CEP85L: variants seen among roughly 807,000 people sequenced by gnomAD.
The protein encoded by CEP85L is centrosomal protein 85L, also known as centrosomal protein of 85 kDa-like.
Under a neutral mutation model 100.3 loss-of-function variants are expected in CEP85L, and 60 were observed. That is an observed-to-expected ratio of 0.60 (90% CI 0.49 to 0.74). CEP85L has a LOEUF of 0.74. Ranked by LOEUF, CEP85L falls within the 30% of genes least tolerant of loss-of-function variation. CEP85L has a pLI of 0.00. For missense variants in CEP85L, 973 were observed against 936.2 expected (o/e 1.04, Z -0.51); for synonymous variants, 319 against 322.7 (o/e 0.99, Z 0.12).
Position 118,622,213 on chromosome 6 carries a change from T to C in CEP85L, c.232+10240A>G, listed in dbSNP as rs537854765. 2.6e-5 allele frequency among the ~76,000 whole-genome samples: 4 copies of C among 152,368 alleles called. No homozygotes were observed. In the South Asian group the frequency reaches 8.3e-4, roughly 32 times the overall value. On this transcript the variant is annotated intron_variant, in intron 2 of 12. Coordinates refer to ENST00000368491, the MANE Select transcript of CEP85L (RefSeq NM_001042475.3). ...AAGGAAAGGATCTCACTGTCTGGAC[T>C]ACTCATGATGTAAGTGGCATATTAA...
At chr6:118,479,725 T>C in intron 10 of CEP85L, 146 bp downstream of exon 10, 1 of 436,652 alleles carries the variant, frequency 2.3e-6, no homozygotes, top group Non-Finnish European at 4.1e-6. Flanking sequence ...GGAAGATTAA[T>C]ATTAAAGAAT....
chr6:118,481,935 T>C lies in CEP85L; in HGVS notation c.1591-2A>G. On this transcript the variant is annotated splice_acceptor_variant, in intron 7 of 12. Coordinates refer to ENST00000368491, the MANE Select transcript of CEP85L (RefSeq NM_001042475.3). LOFTEE classifies it high-confidence loss of function. ...ATTTTTTTCTTCCAGAATCTGCAGCTAAGGAGAAATGTTTTACAGTTCATT... is the reference window on the plus strand; with the variant it reads ...ATTTTTTTCTTCCAGAATCTGCAGCCAAGGAGAAATGTTTTACAGTTCATT... The C allele has an allele frequency of 6.6e-7, 1 of 1,523,534 alleles. No homozygotes were observed. Among genetic ancestry groups the C allele is most frequent in the Non-Finnish European group, 8.8e-7 (1 of 1,131,784 alleles). The allele number at this position is 1,523,534 out of a possible 1,614,324, so 94.4% of individuals were successfully genotyped here.
At chr6:118,638,146 A>G (rs780963615) in intron 1 of CEP85L, among the ~76,000 whole-genome samples, 3 of 151,910 alleles carry the variant, frequency 2.0e-5, no homozygotes, top group Non-Finnish European at 4.4e-5. Flanking sequence ...CAGGAAGCCA[A>G]GGTAAGATTG....
At chr6:118,606,515 G>C (rs1375358532) in intron 2 of CEP85L, among the ~76,000 whole-genome samples, 1 of 152,202 alleles carries the variant, frequency 6.6e-6, no homozygotes, top group African/African-American at 2.4e-5. Flanking sequence ...GCTTGCAGAG[G>C]CTTTTAACTA....
intron 1 of CEP85L, among the ~76,000 whole-genome samples, chr6:118,643,800 T>A (rs529328390): frequency 1.3e-5 from 2 of 152,306 alleles, no homozygotes; most frequent in South Asian, 4.1e-4. Flanking sequence ...GTTCCCTGAT[T>A]GAGAGAATCT....
In CEP85L at chr6:118,464,053, A is replaced by C. The variant is rs1772361596; in HGVS notation, c.*1352T>G. ...CACACCCTCTACCCCTCCATCTCTT[A>C]TTTAGTCTTGACCTAAATGAGACTT... is the stretch of plus-strand genomic sequence containing the variant. On this transcript the variant is annotated 3_prime_UTR_variant, in exon 13 of 13. Transcript: ENST00000368491. The C allele has an allele frequency of 6.6e-6, 1 of 152,172 alleles. No homozygotes were observed. The highest frequency in any genetic ancestry group is 6.6e-5 in the Admixed American group (1 of 15,252). The allele number at this position is 152,172 out of a possible 1,614,324, so 9.4% of individuals were successfully genotyped here. A position where few individuals can be genotyped will look rare whatever the true frequency, so the allele number is the denominator to read the frequency against.
At chr6:118,578,300 C>T (rs1780360468) in intron 2 of CEP85L, among the ~76,000 whole-genome samples, 1 of 152,218 alleles carries the variant, frequency 6.6e-6, no homozygotes, top group Non-Finnish European at 1.5e-5. Context: ...CAGTCTCTCC[C>T]TCCCCTCCTC....
upstream of CEP85L, among the ~76,000 whole-genome samples, chr6:118,652,072 G>C (rs1049726741): frequency 3.3e-5 from 5 of 152,186 alleles, no homozygotes; most frequent in African/African-American, 7.2e-5. Context: ...CAGAAAAGGG[G>C]TGGTTTTCCT....
At chr6:118,684,038 T>C (rs1198407874) in intron 1 of CEP85L, among the ~76,000 whole-genome samples, 1 of 152,214 alleles carries the variant, frequency 6.6e-6, no homozygotes, top group African/African-American at 2.4e-5. Context: ...CCCCAATGAT[T>C]TCATATCTAT....
intron 3 of CEP85L, among the ~76,000 whole-genome samples, chr6:118,556,114 T>C (rs779710834): frequency 3.3e-4 from 50 of 152,226 alleles, no homozygotes; most frequent in Non-Finnish European, 1.5e-4. Flanking sequence ...TGAATATTCA[T>C]GGGTGTATGT....
intron 1 of CEP85L, among the ~76,000 whole-genome samples, chr6:118,648,669 G>A (rs1775358101): frequency 6.6e-6 from 1 of 151,070 alleles, no homozygotes; most frequent in Non-Finnish European, 1.5e-5. Flanking sequence ...GTGAACCTGG[G>A]AGGCGGAGCT....
At chr6:118,603,866 C>A (rs1398128014) in intron 2 of CEP85L, among the ~76,000 whole-genome samples, 1 of 152,158 alleles carries the variant, frequency 6.6e-6, no homozygotes, top group East Asian at 1.9e-4. Context: ...AACAAGACAA[C>A]AATTGTCTGT....
chr6:118,569,314 C>T (rs1298094965), intron 2 of CEP85L, among the ~76,000 whole-genome samples: 1 of 122,290 alleles, frequency 8.2e-6, no homozygotes, highest in Admixed American at 1.0e-4. Flanking sequence ...TGTACTCCAG[C>T]CTGGGTGACA....
chr6:118,495,307 G>C (rs1023927961), intron 5 of CEP85L, among the ~76,000 whole-genome samples: 14 of 152,192 alleles, frequency 9.2e-5, no homozygotes, highest in African/African-American at 3.4e-4. Context: ...CGGTTTGGTT[G>C]TGTCCCCACC....
At position 118,469,380 on chromosome 6, in the gene CEP85L, T is replaced by TC. The variant is rs572576749; in HGVS notation, c.2023-78dup. On this transcript the variant is annotated intron_variant, in intron 11 of 12. Coordinates refer to ENST00000368491, the MANE Select transcript of CEP85L (RefSeq NM_001042475.3). ...CTCAAAGCCATACAGGTTAACATTC[T>TC]CCCCCAAGTCTATAAACAAAACGAT... The TC allele has an allele frequency of 5.9e-4, 643 of 1,098,068 alleles. 6 individuals carry two copies. The East Asian group carries it at 0.014, about 24-fold the overall frequency. 68.0% of individuals were successfully genotyped at this position (1,098,068 alleles called of 1,614,324 possible). A position where few individuals can be genotyped will look rare whatever the true frequency, so the allele number is the denominator to read the frequency against.
intron 3 of CEP85L, among the ~76,000 whole-genome samples, chr6:118,549,264 T>C (rs1199762928): frequency 3.3e-5 from 5 of 151,860 alleles, no homozygotes; most frequent in Non-Finnish European, 7.4e-5. Flanking sequence ...GGTACTCCAT[T>C]TCCTCTCTCG....
chr6:118,491,483 T>C, intron 6 of CEP85L: 6 of 1,331,144 alleles, frequency 4.5e-6, no homozygotes, highest in South Asian at 2.1e-5. Context: ...TAGAAAGATA[T>C]ACAAGAGCAT....
In CEP85L at chr6:118,651,088, C is replaced by T. The variant is rs375616817; in HGVS notation, c.73+109G>A. On this transcript the variant is annotated intron_variant, in intron 1 of 12. Coordinates refer to ENST00000368491, the MANE Select transcript of CEP85L (RefSeq NM_001042475.3). ...TGGGCACGCGGCGGCGTCGGGGAGG[C>T]GGCCGGGGTAAGACAGGCCTGAGGC... is the stretch of plus-strand genomic sequence containing the variant. The T allele has an allele frequency of 1.2e-3, 1,657 of 1,363,598 alleles. 25 individuals are homozygous for T. The South Asian group carries it at 0.021, about 17-fold the overall frequency. 84.5% of individuals were successfully genotyped at this position (1,363,598 alleles called of 1,614,324 possible).
At chr6:118,562,710 T>A (rs1369847923) in intron 3 of CEP85L, among the ~76,000 whole-genome samples, 1 of 152,116 alleles carries the variant, frequency 6.6e-6, no homozygotes. Context: ...TATGTATAGG[T>A]GCCAATACCA....
Sources: gnomAD v4.1 joint callset for allele counts (sites outside exome capture counted in the v4.1 genomes callset) on GRCh38, gnomAD v4.1.1 for gene constraint, MANE v1.5 for transcripts, NCBI Gene and HGNC (gene_info 2026-07-23, HGNC 2026-07-21) for gene names.